Variants in FAH observed in about 807,000 individuals in gnomAD.
The protein encoded by FAH is fumarylacetoacetate hydrolase.
Under a neutral mutation model 55.8 loss-of-function variants are expected in FAH, and 47 were observed. The ratio of observed to expected loss-of-function variants is 0.84; its 90% CI spans 0.67 to 1.07. The LOEUF (loss-of-function observed/expected upper bound fraction) is 1.07. Among genes scored for constraint, FAH ranks in the 50% least tolerant of loss-of-function variants. FAH has a pLI of 0.00. For missense variants in FAH, 495 were observed against 545.9 expected, an observed-to-expected ratio of 0.91 and a Z score of 0.93; for synonymous variants, 199 against 207.7, an observed-to-expected ratio of 0.96 and a Z score of 0.36.
rs2041114264 is a variant in FAH at position 80,158,064 on chromosome 15, G to C, written c.86G>C (p.Arg29Thr). Residue 29 changes from arginine (R) to threonine (T), a missense_variant, in exon 2 of 14, where the codon AGA becomes ACA. Coordinates refer to ENST00000561421, the MANE Select transcript of FAH (RefSeq NM_000137.4). ...ACGGTGTCGTCTTCCTCCTAGCCAA[G>C]ACCGAGGATAGGTGTGGCCATTGGC... is the stretch of plus-strand genomic sequence containing the variant. ...YGVFSTRGDP[R>T]PRIGVAIGDQ... The C allele has an allele frequency of 2.5e-6, 4 of 1,613,090 alleles. No individual in the cohort carries two copies. In the South Asian group the frequency reaches 4.4e-5, roughly 18 times the overall value.
At chr15:80,185,463 G>C (rs1013749402) in intron 13 of FAH, among the ~76,000 whole-genome samples, 2 of 152,220 alleles carry the variant, frequency 1.3e-5, no homozygotes, top group East Asian at 3.8e-4. Flanking sequence ...TTGGCAGAGC[G>C]AGGATTTGAA....
rs200464452 is a variant in FAH at position 80,186,257 on chromosome 15, AC to A, written c.*51del. 0.14 allele frequency: 206,335 copies of A among 1,480,358 alleles called. 14,880 individuals carry two copies. Among genetic ancestry groups the A allele is most frequent in the Admixed American group, 0.15 (8,891 of 59,776 alleles). 91.7% of individuals were successfully genotyped at this position (1,480,358 alleles called of 1,614,324 possible). The stretch of plus-strand genomic sequence containing the variant: ...ACAAAGGGCTCAAGCACCCCTTTCA[AC>A]CCTGTGACTGGGGTCCTCCCTCGGG... On this transcript the variant is annotated 3_prime_UTR_variant, in exon 14 of 14. Coordinates refer to ENST00000561421, the MANE Select transcript of FAH (RefSeq NM_000137.4).
intron 1 of FAH, among the ~76,000 whole-genome samples, 178 bp downstream of exon 1, chr15:80,153,313 T>C (rs1001940632): frequency 6.6e-6 from 1 of 152,274 alleles, no homozygotes; most frequent in Admixed American, 6.5e-5. Flanking sequence ...CCTCGTAACT[T>C]TCTAGCTGTG....
intron 5 of FAH, 139 bp from the exon 6 acceptor site, chr15:80,167,913 T>C: frequency 1.4e-6 from 1 of 708,298 alleles, no homozygotes; most frequent in Non-Finnish European, 2.6e-6. Flanking sequence ...CATCTGTGGA[T>C]GGAAACTTGT....
Position 80,173,177 on chromosome 15 carries a change from C to T in FAH, c.837+33C>T, listed in dbSNP as rs1567119097. The T allele has an allele frequency of 1.9e-6, 3 of 1,614,030 alleles. No individual in the cohort carries two copies. The South Asian group carries it at 3.3e-5, about 18-fold the overall frequency. On this transcript the variant is annotated intron_variant, in intron 9 of 13. Transcript: ENST00000561421. ...CATTCTCTGCAGGAAGCTCCCAAACCCAGCCCTGCTGCCTCTGAGGCTGCT... is the reference window on the plus strand; with the variant it reads ...CATTCTCTGCAGGAAGCTCCCAAACTCAGCCCTGCTGCCTCTGAGGCTGCT...
At chr15:80,174,700 T>C (rs1241574758) in intron 9 of FAH, among the ~76,000 whole-genome samples, 3 of 152,194 alleles carry the variant, frequency 2.0e-5, no homozygotes, top group Non-Finnish European at 4.4e-5. Flanking sequence ...TTGTTCTCCA[T>C]CTCGGCCTGT....
upstream of FAH, chr15:80,152,957 G>T: frequency 9.4e-7 from 1 of 1,066,212 alleles, no homozygotes; most frequent in Non-Finnish European, 1.4e-6. Context: ...CGTGGGGGCG[G>T]GCAGGGGGGC....
Position 80,177,597 on chromosome 15 carries a change from C to T in FAH, c.960+14C>T. 1.2e-6 allele frequency: 2 copies of T among 1,609,514 alleles called. No homozygotes were observed. Among genetic ancestry groups the T allele is most frequent in the South Asian group, 1.1e-5 (1 of 90,984 alleles). ...TCCAATTTTAAGGTAAGCTTTGACGCTGATCAGACTGCTTTTTAGAATTGA... is the reference window on the plus strand; with the variant it reads ...TCCAATTTTAAGGTAAGCTTTGACGTTGATCAGACTGCTTTTTAGAATTGA... On this transcript the variant is annotated intron_variant, in intron 11 of 13. Coordinates refer to ENST00000561421, the MANE Select transcript of FAH (RefSeq NM_000137.4).
At position 80,180,116 on chromosome 15, in the gene FAH, G is replaced by T. The variant is rs932983420; in HGVS notation, c.961-8G>T. ...CTGCTCATTCCACCTCGCGTCCATTGCCTGCAGTACATGTACTGGACGATG... is the reference window on the plus strand; with the variant it reads ...CTGCTCATTCCACCTCGCGTCCATTTCCTGCAGTACATGTACTGGACGATG... On this transcript the variant is annotated splice_region_variant and splice_polypyrimidine_tract_variant and intron_variant, in intron 11 of 13. Coordinates refer to ENST00000561421, the MANE Select transcript of FAH (RefSeq NM_000137.4). 3.1e-6 allele frequency: 5 copies of T among 1,600,060 alleles called. No homozygotes were observed. The highest frequency in any genetic ancestry group is 4.5e-5 in the East Asian group (2 of 44,750).
At chr15:80,175,234 G>A in intron 10 of FAH, 143 bp downstream of exon 10, 1 of 777,210 alleles carries the variant, frequency 1.3e-6, no homozygotes, top group East Asian at 2.6e-5. Flanking sequence ...CTAAAGGAAA[G>A]AGGAGGGGAG....
chr15:80,167,997 A>G, intron 5 of FAH, 55 bp from the exon 6 acceptor site: 1 of 1,436,648 alleles, frequency 7.0e-7, no homozygotes, highest in Non-Finnish European at 9.8e-7. Flanking sequence ...TTTAAAGTTA[A>G]TTGACAACAT....
intron 1 of FAH, among the ~76,000 whole-genome samples, chr15:80,153,356 C>T (rs2041070809): frequency 6.6e-6 from 1 of 152,174 alleles, no homozygotes; most frequent in Non-Finnish European, 1.5e-5. Context: ...TCATTGTCCG[C>T]AGGTTTGCTG....
intron 5 of FAH, chr15:80,162,750 A>G: frequency 7.1e-6 from 2 of 281,476 alleles, no homozygotes; most frequent in Non-Finnish European, 1.4e-5. Context: ...GATCGGTTTC[A>G]TTCATTTGTT....
At chr15:80,184,924 GCT>G (rs2142111588) in intron 13 of FAH, among the ~76,000 whole-genome samples, 1 of 152,076 alleles carries the variant, frequency 6.6e-6, no homozygotes, top group East Asian at 1.9e-4. Context: ...CCTCCATGCT[GCT>G]CGCTCAGCAC....
At chr15:80,157,400 CT>C (rs1170709344) in intron 1 of FAH, 1 of 156,512 alleles carries the variant, frequency 6.4e-6, no homozygotes. Context: ...CCCTCGGGTT[CT>C]TGTTGACGAG....
At position 80,160,506 on chromosome 15, in the gene FAH, G is replaced by C. The variant is rs1460932093; in HGVS notation, c.364+47G>C. On this transcript the variant is annotated intron_variant, in intron 4 of 13. Transcript: ENST00000561421. ...AGATAAGAACGGAGCAGCTTCGTGGGCCAAGAGGGCTGGCCAGGTGCTTTG... is the reference window on the plus strand; with the variant it reads ...AGATAAGAACGGAGCAGCTTCGTGGCCCAAGAGGGCTGGCCAGGTGCTTTG... 27 of 1,581,270 alleles carry C rather than the reference G, an allele frequency of 1.7e-5. No individual in the cohort carries two copies. In the Admixed American group the frequency reaches 4.5e-4, roughly 26 times the overall value.
At chr15:80,161,724 A>T (rs1410019807) in intron 4 of FAH, among the ~76,000 whole-genome samples, 1 of 152,196 alleles carries the variant, frequency 6.6e-6, no homozygotes, top group Non-Finnish European at 1.5e-5. Flanking sequence ...GTGCACACAC[A>T]TAACTGGAGC....
In FAH at chr15:80,181,104, G is replaced by A. The variant is rs573995081; in HGVS notation, c.1125G>A (p.Leu375=). ...LSWKGTKPID[L]GNGQTRKFLL... ...GGAAGGGAACGAAGCCCATAGACCT[G>A]GGGAATGGTCAGACCAGGAAGTTTC... Residue 375 remains leucine (L), a synonymous_variant, in exon 13 of 14, where the codon CTG becomes CTA. Coordinates refer to ENST00000561421, the MANE Select transcript of FAH (RefSeq NM_000137.4). 5.6e-6 allele frequency: 9 copies of A among 1,613,922 alleles called. No individual in the cohort carries two copies. Among genetic ancestry groups the A allele is most frequent in the Admixed American group, 3.3e-5 (2 of 60,016 alleles).
At chr15:80,181,299 G>A in intron 13 of FAH, 140 bp downstream of exon 13, 1 of 663,264 alleles carries the variant, frequency 1.5e-6, no homozygotes, top group Non-Finnish European at 2.8e-6. Flanking sequence ...CTGCCTGCTT[G>A]TTCTGTCCTT....
Sources: gnomAD v4.1 joint callset for allele counts (sites outside exome capture counted in the v4.1 genomes callset) on GRCh38, gnomAD v4.1.1 for gene constraint, MANE v1.5 for transcripts, NCBI Gene and HGNC (gene_info 2026-07-23, HGNC 2026-07-21) for gene names.